The following KITLG variants were observed in gnomAD, a reference collection of about 807,000 sequenced individuals.
KITLG encodes the protein KIT ligand, also known as c-Kit ligand.
KITLG carries 13 observed loss-of-function variants against 34.1 expected under a neutral mutation model. The observed-to-expected ratio is 0.38, with a 90% CI of 0.25 to 0.61. The LOEUF is 0.61. KITLG is among the 20% of genes least tolerant of loss of function. The pLI, the probability that KITLG is intolerant of heterozygous loss-of-function variation, is 0.60. For synonymous variants in KITLG, 110 were observed against 104.0 expected, an observed-to-expected ratio of 1.06 and a Z score of -0.35; for missense variants, 292 against 318.9, an observed-to-expected ratio of 0.92 and a Z score of 0.64.
At chr12:88,572,428 G>A (rs943894561) in intron 1 of KITLG, among the ~76,000 whole-genome samples, 4 of 150,678 alleles carry the variant, frequency 2.7e-5, no homozygotes, top group African/African-American at 9.7e-5. Context: ...AAAGACCCTA[G>A]TTTCATATTT....
rs559055441 is a variant in KITLG at position 88,494,298 on chromosome 12, A to C, written c.*2921T>G. ...CATTTTGAAATGAAAACTTGGCTGC[A>C]GTAAAATATTTTTAAAATCCATGAT... On this transcript the variant is annotated 3_prime_UTR_variant, in exon 10 of 10. Transcript: ENST00000644744. 7 of 152,122 alleles carry C rather than the reference A, an allele frequency of 4.6e-5. 1 individual carries two copies. The South Asian group carries it at 1.4e-3, about 32-fold the overall frequency. The allele number at this position is 152,122 out of a possible 1,614,324, so 9.4% of individuals were successfully genotyped here.
chr12:88,516,714 C>T (rs972541756), intron 4 of KITLG, among the ~76,000 whole-genome samples: 33 of 149,280 alleles, frequency 2.2e-4, no homozygotes, highest in African/African-American at 7.6e-4. Flanking sequence ...AATGTCATGG[C>T]AAAAAATAAA....
At chr12:88,559,422 A>G (rs1871222985) in intron 1 of KITLG, among the ~76,000 whole-genome samples, 1 of 152,160 alleles carries the variant, frequency 6.6e-6, no homozygotes, top group East Asian at 1.9e-4. Flanking sequence ...ATATTTACAG[A>G]CTGTAGTGGA....
chr12:88,557,078 G>T (rs1871119833), intron 1 of KITLG, among the ~76,000 whole-genome samples: 2 of 152,134 alleles, frequency 1.3e-5, no homozygotes, highest in South Asian at 4.2e-4. Context: ...ATCATGGAAA[G>T]GGCTAGAAAA....
At chr12:88,528,506 CAA>C (rs1869962648) in intron 3 of KITLG, among the ~76,000 whole-genome samples, 1 of 151,766 alleles carries the variant, frequency 6.6e-6, no homozygotes, top group African/African-American at 2.4e-5. Context: ...AAACAAAAAA[CAA>C]AAACAAAAAC....
chr12:88,562,623 T>G (rs11104952), intron 1 of KITLG, among the ~76,000 whole-genome samples: 100,155 of 152,098 alleles, frequency 0.66, 36,718 homozygotes, highest in Middle Eastern at 0.86. Context: ...CTCAATAACT[T>G]CTAAATTCAA....
At chr12:88,519,016 C>T (rs1295842799) in intron 3 of KITLG, 149 bp from the exon 4 acceptor site, 1 of 699,384 alleles carries the variant, frequency 1.4e-6, no homozygotes, top group Non-Finnish European at 2.4e-6. Flanking sequence ...GTGCCTGCCA[C>T]CATGCCTGGC....
At chr12:88,543,469 C>A (rs545561407) in intron 2 of KITLG, among the ~76,000 whole-genome samples, 1 of 152,214 alleles carries the variant, frequency 6.6e-6, no homozygotes, top group African/African-American at 2.4e-5. Context: ...GCATAGTATT[C>A]CATGGTGTAT....
chr12:88,580,439 C>G lies in KITLG; in HGVS notation c.-161G>C, dbSNP rs1012844393. 2 of 865,158 alleles carry G rather than the reference C, an allele frequency of 2.3e-6. No homozygotes were observed. Among genetic ancestry groups the G allele is most frequent in the Non-Finnish European group, 3.7e-6 (2 of 546,008 alleles). 53.6% of individuals were successfully genotyped at this position (865,158 alleles called of 1,614,324 possible). On this transcript the variant is annotated 5_prime_UTR_variant, in exon 1 of 10. Coordinates refer to ENST00000644744, the MANE Select transcript of KITLG (RefSeq NM_000899.5). Reference sequence around the variant, plus strand: ...TCCACTGTCCCTGCTTCCCGCAGCGCTTCTAGTCTCGGCGCGAGGCGGCGA... The same window carrying G: ...TCCACTGTCCCTGCTTCCCGCAGCGGTTCTAGTCTCGGCGCGAGGCGGCGA...
Position 88,506,325 on chromosome 12 carries a change from C to T in KITLG, c.768G>A (p.Glu256=), listed in dbSNP as rs573914379. 29 of 1,608,880 alleles carry T rather than the reference C, an allele frequency of 1.8e-5. No individual in the cohort carries two copies. The South Asian group carries it at 2.3e-4, about 13-fold the overall frequency. ...RAVENIQINE[E]DNEISMLQEK... ...AAACAAAATACCTTATCTCATTATC[C>T]TCTTCATTAATTTGTATATTTTCAA... Residue 256 remains glutamate, a synonymous_variant, in exon 8 of 10, where the codon GAG becomes GAA. Transcript: ENST00000644744.
At chr12:88,565,649 A>C (rs1280824701) in intron 1 of KITLG, among the ~76,000 whole-genome samples, 1 of 152,130 alleles carries the variant, frequency 6.6e-6, no homozygotes, top group Non-Finnish European at 1.5e-5. Context: ...AAACAAACAA[A>C]ATCTCTAGGT....
chr12:88,511,050 A>G lies in KITLG; in HGVS notation c.605-3913T>C, dbSNP rs1405145227. ...ATCACCTAGCTAAAAGTTGCTGACA[A>G]TGCAAGACTCAAAATTTTTTAAAAA... On this transcript the variant is annotated intron_variant, in intron 6 of 9. Transcript: ENST00000644744. Among the ~76,000 whole-genome samples, 3 of 152,182 alleles carry G rather than the reference A, an allele frequency of 2.0e-5. No homozygotes were observed. In the East Asian group the frequency reaches 5.8e-4, roughly 29 times the overall value.
At chr12:88,545,595 C>A (rs982097947) in intron 2 of KITLG, among the ~76,000 whole-genome samples, 157 bp downstream of exon 2, 1 of 152,156 alleles carries the variant, frequency 6.6e-6, no homozygotes, top group Non-Finnish European at 1.5e-5. Flanking sequence ...TCACTACCTG[C>A]TTTCTATAAA....
chr12:88,560,793 C>A (rs1401341991), intron 1 of KITLG, among the ~76,000 whole-genome samples: 1 of 151,738 alleles, frequency 6.6e-6, no homozygotes, highest in Admixed American at 6.6e-5. Context: ...CACAGTGAAA[C>A]CCCGTCTCTA....
intron 9 of KITLG, 22 bp from the exon 10 acceptor site, chr12:88,497,203 A>G (rs1012886759): frequency 4.6e-6 from 2 of 437,156 alleles, no homozygotes; most frequent in Non-Finnish European, 9.1e-6. Context: ...GGAAGAAAAG[A>G]GAGATTATGG....
At chr12:88,567,838 A>G (rs1052484122) in intron 1 of KITLG, among the ~76,000 whole-genome samples, 4 of 152,204 alleles carry the variant, frequency 2.6e-5, no homozygotes, top group African/African-American at 9.7e-5. Context: ...TTTACAAGTG[A>G]GAAAATCAGA....
chr12:88,557,634 C>A (rs1286393754), intron 1 of KITLG, among the ~76,000 whole-genome samples: 1 of 152,068 alleles, frequency 6.6e-6, no homozygotes, highest in African/African-American at 2.4e-5. Flanking sequence ...TTCTCAGATG[C>A]CCTTTAAGTT....
chr12:88,567,762 T>C (rs1377154401), intron 1 of KITLG, among the ~76,000 whole-genome samples: 1 of 152,206 alleles, frequency 6.6e-6, no homozygotes, highest in Non-Finnish European at 1.5e-5. Context: ...CTAATGCCCT[T>C]CTTATGCATT....
intron 1 of KITLG, among the ~76,000 whole-genome samples, chr12:88,575,915 A>G (rs1360315529): frequency 1.3e-5 from 2 of 152,182 alleles, no homozygotes; most frequent in African/African-American, 2.4e-5. Flanking sequence ...AACTAGCATA[A>G]TGAAAAAAAA....
Sources: gnomAD v4.1 joint callset for allele counts (sites outside exome capture counted in the v4.1 genomes callset) on GRCh38, gnomAD v4.1.1 for gene constraint, MANE v1.5 for transcripts, NCBI Gene and HGNC (gene_info 2026-07-23, HGNC 2026-07-21) for gene names.